SHOC2: variants seen among roughly 807,000 people sequenced by gnomAD.
SHOC2 encodes the protein SHOC2 leucine rich repeat scaffold protein.
In SHOC2, 4 loss-of-function variants were observed where a neutral mutation model predicts 50.2. That is an observed-to-expected ratio of 0.08 (90% CI 0.04 to 0.18). The LOEUF (loss-of-function observed/expected upper bound fraction) is 0.18. Ranked by LOEUF, SHOC2 falls within the 10% of genes least tolerant of loss-of-function variation. The probability of loss-of-function intolerance (pLI) is 1.00; values close to 1 mark genes in which losing one functional copy is unlikely to be tolerated. For missense variants in SHOC2, 388 were observed against 669.6 expected (o/e 0.58, Z 4.64); for synonymous variants, 218 against 244.5 (o/e 0.89, Z 1.01).
chr10:110,986,006 T>C lies in SHOC2; in HGVS notation c.841+241T>C, dbSNP rs2134149616. 1.9e-5 allele frequency: 9 copies of C among 462,286 alleles called. 1 individual carries two copies. The South Asian group carries it at 2.0e-4, about 10-fold the overall frequency. 28.6% of individuals were successfully genotyped at this position (462,286 alleles called of 1,614,324 possible). On this transcript the variant is annotated intron_variant, in intron 3 of 8. Transcript: ENST00000369452. ...GAGAGAGAATATTGAGTTACATGTATATATATTCTGTCATAGTTTGAATTG... is the reference window on the plus strand; with the variant it reads ...GAGAGAGAATATTGAGTTACATGTACATATATTCTGTCATAGTTTGAATTG...
At chr10:110,974,103 G>T (rs931887303) in intron 2 of SHOC2, among the ~76,000 whole-genome samples, 6 of 151,854 alleles carry the variant, frequency 4.0e-5, no homozygotes, top group Non-Finnish European at 8.8e-5. Context: ...CAATTAGATT[G>T]ATTTCAGGCC....
chr10:111,002,706 CTAAT>C (rs1309635691), intron 4 of SHOC2, among the ~76,000 whole-genome samples: 1 of 151,770 alleles, frequency 6.6e-6, no homozygotes, highest in Admixed American at 6.6e-5. Context: ...TATTGATTAT[CTAAT>C]TAATCCACCA....
At chr10:110,988,912 T>C (rs1848130526) in intron 3 of SHOC2, 2 of 478,680 alleles carry the variant, frequency 4.2e-6, no homozygotes, top group Non-Finnish European at 8.6e-6. Context: ...TTGTTTCTTC[T>C]GTGATCTATG....
At chr10:110,929,706 C>T (rs376869175) in intron 1 of SHOC2, among the ~76,000 whole-genome samples, 2 of 152,158 alleles carry the variant, frequency 1.3e-5, no homozygotes, top group South Asian at 4.1e-4. Context: ...GGGCATTAAT[C>T]CCATTATGAA....
Position 110,995,143 on chromosome 10 carries a change from AATT to A in SHOC2, c.842-5267_842-5265del, listed in dbSNP as rs76890641. ...AATAATGAAATGTTTTAGTTTCTGTAATTATTAAGAAAGTATGAATTAATGCCT... is the reference window on the plus strand; with the variant it reads ...AATAATGAAATGTTTTAGTTTCTGTAATTAAGAAAGTATGAATTAATGCCT... On this transcript the variant is annotated intron_variant, in intron 3 of 8. Coordinates refer to ENST00000369452, the MANE Select transcript of SHOC2 (RefSeq NM_007373.4). Among the ~76,000 whole-genome samples the A allele has an allele frequency of 4.0e-3, 610 of 152,268 alleles. 4 individuals carry two copies. Among genetic ancestry groups the A allele is most frequent in the Middle Eastern group, 0.02 (6 of 294 alleles).
At chr10:110,987,864 C>G (rs117572644) in intron 3 of SHOC2, among the ~76,000 whole-genome samples, 2,715 of 152,026 alleles carry the variant, frequency 0.018, 42 homozygotes, top group Non-Finnish European at 0.028. Flanking sequence ...TTCCATATAA[C>G]CAAATGAACA....
chr10:110,995,590 T>A (rs1252787365), intron 3 of SHOC2, among the ~76,000 whole-genome samples: 1 of 152,212 alleles, frequency 6.6e-6, no homozygotes, highest in African/African-American at 2.4e-5. Context: ...ATTCACCAAC[T>A]AGCTGGTGAC....
intron 2 of SHOC2, among the ~76,000 whole-genome samples, chr10:110,967,483 A>G (rs1398452606): frequency 6.6e-6 from 1 of 152,236 alleles, no homozygotes; most frequent in African/African-American, 2.4e-5. Flanking sequence ...AATATAATTC[A>G]CATACCATAC....
At chr10:110,997,050 G>A (rs1848280902) in intron 3 of SHOC2, among the ~76,000 whole-genome samples, 1 of 152,156 alleles carries the variant, frequency 6.6e-6, no homozygotes. Context: ...TTGGCAAATG[G>A]TGTATACTGT....
In SHOC2 at chr10:110,988,649, C is replaced by A. The variant is rs368829509; in HGVS notation, c.841+2884C>A. 8.6e-5 allele frequency among the ~76,000 whole-genome samples: 13 copies of A among 152,020 alleles called. No homozygotes were observed. In the East Asian group the frequency reaches 2.5e-3, roughly 29 times the overall value. ...ATCCTCTCTTAGTTTTATTGATTTT[C>A]CCTATTGTTTCTCTGGTTTTTATTT... On this transcript the variant is annotated intron_variant, in intron 3 of 8. Coordinates refer to ENST00000369452, the MANE Select transcript of SHOC2 (RefSeq NM_007373.4).
In SHOC2 at chr10:111,011,592, G is replaced by C. The variant is rs761816025; in HGVS notation, c.1541-18G>C. On this transcript the variant is annotated intron_variant, in intron 8 of 8. Transcript: ENST00000369452. ...AGCAACTAATTTTTAAAAAAAAATT[G>C]ATTTTTTTTTTAAACAGGTACACTG... The C allele has an allele frequency of 3.2e-6, 5 of 1,580,886 alleles. No homozygotes were observed. Among genetic ancestry groups the C allele is most frequent in the African/African-American group, 1.3e-5 (1 of 74,144 alleles).
chr10:110,947,242 C>A (rs1248759271), intron 1 of SHOC2, among the ~76,000 whole-genome samples: 1 of 152,188 alleles, frequency 6.6e-6, no homozygotes, highest in Non-Finnish European at 1.5e-5. Flanking sequence ...ACCCATGGAC[C>A]CAGGCACCAG....
intron 4 of SHOC2, among the ~76,000 whole-genome samples, chr10:111,002,782 A>C (rs934854954): frequency 8.7e-5 from 13 of 149,492 alleles, no homozygotes; most frequent in African/African-American, 2.4e-4. Flanking sequence ...ATTCTAACAA[A>C]AAAAAAAAAA....
intron 4 of SHOC2, among the ~76,000 whole-genome samples, chr10:111,002,867 CA>C (rs1848404447): frequency 6.6e-6 from 1 of 152,060 alleles, no homozygotes; most frequent in Non-Finnish European, 1.5e-5. Flanking sequence ...TGCCCCTTCT[CA>C]AATATACTCA....
At chr10:110,970,237 A>C (rs1340780449) in intron 2 of SHOC2, among the ~76,000 whole-genome samples, 1 of 151,882 alleles carries the variant, frequency 6.6e-6, no homozygotes, top group Non-Finnish European at 1.5e-5. Context: ...TCTAGTAACC[A>C]CTATTCTACT....
chr10:110,962,975 G>A (rs1242659813), intron 1 of SHOC2, among the ~76,000 whole-genome samples: 2 of 152,018 alleles, frequency 1.3e-5, no homozygotes, highest in Non-Finnish European at 2.9e-5. Flanking sequence ...TATACAGAGA[G>A]GTTCACATCC....
chr10:111,009,048 C>G (rs1437013417), intron 6 of SHOC2, among the ~76,000 whole-genome samples, 200 bp from the exon 7 acceptor site: 1 of 151,982 alleles, frequency 6.6e-6, no homozygotes, highest in South Asian at 2.1e-4. Flanking sequence ...TTGATATAAT[C>G]AAATAAAATC....
At chr10:110,948,474 C>T (rs967104430) in intron 1 of SHOC2, among the ~76,000 whole-genome samples, 1 of 152,012 alleles carries the variant, frequency 6.6e-6, no homozygotes, top group African/African-American at 2.4e-5. Flanking sequence ...TTCTTTAAGA[C>T]ACATTAGGTC....
chr10:110,966,178 A>T (rs1179091628), intron 2 of SHOC2, among the ~76,000 whole-genome samples: 1 of 152,092 alleles, frequency 6.6e-6, no homozygotes, highest in East Asian at 1.9e-4. Flanking sequence ...GACTTGTTAC[A>T]TTTAACTCTT....
Sources: allele counts gnomAD v4.1 joint callset (sites outside exome capture counted in the v4.1 genomes callset), GRCh38; gene constraint gnomAD v4.1.1; transcripts MANE v1.5; gene names NCBI Gene and HGNC (gene_info 2026-07-23, HGNC 2026-07-21).